COL9A3: variants seen among roughly 807,000 people sequenced by gnomAD.
The protein encoded by COL9A3 is collagen alpha-3(IX) chain.
COL9A3 carries 82 observed loss-of-function variants against 110.2 expected under a neutral mutation model. That is an observed-to-expected ratio of 0.74 (90% CI 0.62 to 0.89). COL9A3 has a LOEUF of 0.89. Ranked by LOEUF, COL9A3 falls within the 40% of genes least tolerant of loss-of-function variation. The pLI, the probability that COL9A3 is intolerant of heterozygous loss-of-function variation, is 0.00. For synonymous variants in COL9A3, 494 were observed against 403.8 expected, an observed-to-expected ratio of 1.22 and a Z score of -2.68; for missense variants, 1,066 against 981.3, an observed-to-expected ratio of 1.09 and a Z score of -1.15.
At chr20:62,832,944 G>A in intron 25 of COL9A3, 76 bp from the exon 26 acceptor site, 1 of 1,350,046 alleles carries the variant, frequency 7.4e-7, no homozygotes. Context: ...GGAGGCTTGA[G>A]AGCAGGGACT....
At chr20:62,817,010 C>A, upstream of COL9A3, 2 of 1,085,064 alleles carry the variant, frequency 1.8e-6, no homozygotes, top group East Asian at 8.1e-5. Flanking sequence ...CACCTCCCGC[C>A]CCGCCCGCCC....
intron 22 of COL9A3, among the ~76,000 whole-genome samples, 176 bp downstream of exon 22, chr20:62,829,995 C>T (rs1053827968): frequency 6.6e-6 from 1 of 152,158 alleles, no homozygotes; most frequent in Non-Finnish European, 1.5e-5. Context: ...CGCTGGGAGA[C>T]GGTCGGGGCC....
chr20:62,832,823 T>A, intron 25 of COL9A3, 197 bp from the exon 26 acceptor site: 1 of 448,190 alleles, frequency 2.2e-6, no homozygotes, highest in East Asian at 8.7e-5. Context: ...TTCCGTTTTT[T>A]GGCCCCGCCC....
chr20:62,833,195 C>T (rs1201215497), intron 26 of COL9A3, 131 bp downstream of exon 26: 3 of 784,266 alleles, frequency 3.8e-6, no homozygotes, highest in East Asian at 2.6e-5. Flanking sequence ...TGCTGGGCAG[C>T]GTGGGGATGG....
In COL9A3 at chr20:62,828,936, G is replaced by A. The variant is rs761170700; in HGVS notation, c.968G>A (p.Arg323His). The change falls in exon 19 of 32, where the codon CGC (arginine) becomes CAC (histidine). Residue 323 changes from arginine (R) to histidine (H), a missense_variant. Arg to His is a conservative substitution (Grantham distance 29). Transcript: ENST00000649368. ...CTGTCCTCACAGGGAGAGGCTGGTC[G>A]CAACGGTGCTCCGGGAGAGAAGGGC... is the stretch of plus-strand genomic sequence containing the variant. ...GLDGQKGEAGRNGAPGEKGPN... is the reference protein window; with the variant it reads ...GLDGQKGEAGHNGAPGEKGPN... 18 of 1,611,550 alleles carry A rather than the reference G, an allele frequency of 1.1e-5. No homozygotes were observed. Among genetic ancestry groups the A allele is most frequent in the Middle Eastern group, 1.7e-4 (1 of 5,894 alleles).
At chr20:62,835,826 T>C (rs2063630394) in intron 26 of COL9A3, 95 bp from the exon 27 acceptor site, 1 of 1,210,206 alleles carries the variant, frequency 8.3e-7, no homozygotes, top group African/African-American at 1.5e-5. Flanking sequence ...TAATAGCAGG[T>C]GTGTGGATGA....
intron 30 of COL9A3, among the ~76,000 whole-genome samples, chr20:62,837,572 G>T (rs12480458): frequency 0.29 from 43,633 of 151,956 alleles, 7,369 homozygotes; most frequent in East Asian, 0.48. Context: ...ACTTTGGGGG[G>T]CTGAGGTGGG....
In COL9A3 at chr20:62,821,220, AG is replaced by A; in HGVS notation, c.345+5del. The A allele has an allele frequency of 1.2e-6, 2 of 1,613,044 alleles. No homozygotes were observed. The highest frequency in any genetic ancestry group is 1.7e-6 in the Non-Finnish European group (2 of 1,179,580). Reference sequence around the variant, plus strand: ...CCCGGGGCCGCCCGGGCTGGGGGTGAGTATGGAGTGTGGTCCTCTCCTCTCC... The same window carrying A: ...CCCGGGGCCGCCCGGGCTGGGGGTGATATGGAGTGTGGTCCTCTCCTCTCC... On this transcript the variant is annotated splice_donor_5th_base_variant and intron_variant, in intron 6 of 31. Transcript: ENST00000649368.
rs56316257 is a variant in COL9A3, at chr20:62,819,001, G to A, written c.184-221G>A. On this transcript the variant is annotated intron_variant, in intron 3 of 31. Transcript: ENST00000649368. ...CGAAGGTCTTACAGATGCCACTGAGGGATGGGGCGGGCAGCCTTCCTGGGC... is the reference window on the plus strand; with the variant it reads ...CGAAGGTCTTACAGATGCCACTGAGAGATGGGGCGGGCAGCCTTCCTGGGC... Among the ~76,000 whole-genome samples, 14,089 of 152,238 alleles carry A rather than the reference G, an allele frequency of 0.093. 1,344 individuals are homozygous for A. Among genetic ancestry groups the A allele is most frequent in the African/African-American group, 0.25 (10,368 of 41,508 alleles).
rs376678392 is a variant in COL9A3, at chr20:62,828,015, G to A, written c.900+39G>A. On this transcript the variant is annotated intron_variant, in intron 17 of 31. Coordinates refer to ENST00000649368, the MANE Select transcript of COL9A3 (RefSeq NM_001853.4). ...GCTGCTCATGGAATGCTCCTCCCCC[G>A]GGTCCTGGGTATGTACAGGTGGAGA... 40 of 1,608,510 alleles carry A rather than the reference G, an allele frequency of 2.5e-5. No individual in the cohort carries two copies. In the African/African-American group the frequency reaches 4.1e-4, roughly 17 times the overall value.
intron 30 of COL9A3, among the ~76,000 whole-genome samples, chr20:62,838,148 G>A (rs151110706): frequency 1.4e-4 from 21 of 152,366 alleles, no homozygotes; most frequent in Non-Finnish European, 2.4e-4. Context: ...TAAATTGGCT[G>A]CCAGAGGTCA....
chr20:62,841,039 G>A lies in COL9A3; in HGVS notation c.*307G>A, dbSNP rs961698857. The A allele has an allele frequency of 3.5e-5, 13 of 366,394 alleles. No homozygotes were observed. Among genetic ancestry groups the A allele is most frequent in the Non-Finnish European group, 6.2e-5 (12 of 195,084 alleles). 22.7% of individuals were successfully genotyped at this position (366,394 alleles called of 1,614,324 possible). A position where few individuals can be genotyped will look rare whatever the true frequency, so the allele number is the denominator to read the frequency against. ...AAATATTCAGTAACTTGTTTACATA[G>A]CATTTGTGTAAAGACTATGATCTCA... On this transcript the variant is annotated 3_prime_UTR_variant, in exon 32 of 32. Coordinates refer to ENST00000649368, the MANE Select transcript of COL9A3 (RefSeq NM_001853.4).
chr20:62,822,382 C>G (rs2063519328), intron 9 of COL9A3, among the ~76,000 whole-genome samples: 1 of 152,202 alleles, frequency 6.6e-6, no homozygotes, highest in Non-Finnish European at 1.5e-5. Flanking sequence ...CATCCTGCCC[C>G]AAGGACAGGT....
chr20:62,840,966 G>A lies in COL9A3; in HGVS notation c.*234G>A. On this transcript the variant is annotated 3_prime_UTR_variant, in exon 32 of 32. Coordinates refer to ENST00000649368, the MANE Select transcript of COL9A3 (RefSeq NM_001853.4). ...CCTGTAAGCCCAGCATTTGAGAGAA[G>A]GTAGGGTGTGTATATATAAAAGGTT... The A allele has an allele frequency of 1.8e-6, 1 of 556,640 alleles. No individual in the cohort carries two copies. Among genetic ancestry groups the A allele is most frequent in the East Asian group, 3.1e-5 (1 of 32,230 alleles). 34.5% of individuals were successfully genotyped at this position (556,640 alleles called of 1,614,324 possible).
In COL9A3 at chr20:62,837,194, G is replaced by A; in HGVS notation, c.1715G>A (p.Gly572Asp). ...CCCCCAGGACCCCCAGGCTCCATTG[G>A]TCACCCTGGCGCTCGAGGACCCCCT... ...PGPPGPPGSI[G>D]HPGARGPPGY... Residue 572 changes from glycine to aspartate, a missense_variant, in exon 30 of 32, where the codon GGT becomes GAT. Transcript: ENST00000649368. 6.2e-7 allele frequency: 1 copy of A among 1,612,552 alleles called. No individual in the cohort carries two copies. Among genetic ancestry groups the A allele is most frequent in the Non-Finnish European group, 8.5e-7 (1 of 1,179,704 alleles).
Position 62,819,307 on chromosome 20 carries a change from C to G in COL9A3, c.255+14C>G, listed in dbSNP as rs779295260. 1 of 1,598,400 alleles carries G rather than the reference C, an allele frequency of 6.3e-7. No homozygotes were observed. The highest frequency in any genetic ancestry group is 1.1e-5 in the South Asian group (1 of 89,660). ...CCGGGTGTGGATGTGAGTGCGCCTG[C>G]CCCTCCCCGCCATGCCCCACTCCCC... On this transcript the variant is annotated intron_variant, in intron 4 of 31. Transcript: ENST00000649368.
At chr20:62,819,166 GC>G (rs1991034605) in intron 3 of COL9A3, 55 bp from the exon 4 acceptor site, 7 of 1,547,856 alleles carry the variant, frequency 4.5e-6, no homozygotes, top group Non-Finnish European at 6.2e-6. Context: ...ATTGCTGAAG[GC>G]CTGGGCTCCA....
intron 6 of COL9A3, 97 bp downstream of exon 6, chr20:62,821,313 C>T: frequency 1.4e-6 from 2 of 1,399,818 alleles, no homozygotes; most frequent in Non-Finnish European, 2.0e-6. Context: ...CAGGGACCAT[C>T]CCTGGCCCTC....
chr20:62,839,154 G>A (rs2063656015), intron 31 of COL9A3, among the ~76,000 whole-genome samples: 1 of 152,062 alleles, frequency 6.6e-6, no homozygotes, highest in Non-Finnish European at 1.5e-5. Context: ...GAACCCGGGA[G>A]GCGGAGGTTG....
Sources: gnomAD v4.1 joint callset for allele counts (sites outside exome capture counted in the v4.1 genomes callset) on GRCh38, gnomAD v4.1.1 for gene constraint, MANE v1.5 for transcripts, NCBI Gene and HGNC (gene_info 2026-07-23, HGNC 2026-07-21) for gene names.